Variants in MUC7 observed in about 807,000 individuals in gnomAD.
MUC7 encodes the protein mucin-7.
Under a neutral mutation model 2.5 loss-of-function variants are expected in MUC7, and 2 were observed. That is an observed-to-expected ratio of 0.81 (90% CI 0.33 to 2.55). MUC7 has a LOEUF of 2.55. MUC7 is among the 30% of genes most tolerant of loss of function. The pLI, the probability that MUC7 is intolerant of heterozygous loss-of-function variation, is 0.11. For missense variants in MUC7, 408 were observed against 455.6 expected (o/e 0.90, Z 0.95); for synonymous variants, 133 against 173.4 (o/e 0.77, Z 1.83).
chr4:70,480,719 T>A, intron 2 of MUC7, 80 bp from the exon 3 acceptor site: 2 of 1,414,614 alleles, frequency 1.4e-6, no homozygotes, highest in Non-Finnish European at 1.9e-6. Context: ...CAAATACCGC[T>A]CATCTCATGG....
At chr4:70,441,659 G>A (rs568439531) in intron 1 of MUC7, among the ~76,000 whole-genome samples, 54 of 152,300 alleles carry the variant, frequency 3.5e-4, no homozygotes, top group South Asian at 1.0e-3. Context: ...TGAGAAGGAT[G>A]GATTTGCAGC....
chr4:70,437,254 T>G (rs999807726), intron 1 of MUC7, among the ~76,000 whole-genome samples: 1 of 152,192 alleles, frequency 6.6e-6, no homozygotes, highest in African/African-American at 2.4e-5. Flanking sequence ...GCAGGGACGT[T>G]TAAGTCTGCA....
intron 1 of MUC7, among the ~76,000 whole-genome samples, chr4:70,443,765 AAAC>A (rs1327450865): frequency 6.6e-6 from 1 of 152,176 alleles, no homozygotes; most frequent in Non-Finnish European, 1.5e-5. Flanking sequence ...TTAGCACACA[AAAC>A]AACAATATCA....
chr4:70,474,557 G>C, intron 2 of MUC7, among the ~76,000 whole-genome samples: 1 of 140,322 alleles, frequency 7.1e-6, no homozygotes, highest in East Asian at 2.0e-4. Flanking sequence ...TAGATAGGTA[G>C]ATAGACTAGG....
chr4:70,443,289 TA>T (rs1441554367), intron 1 of MUC7, among the ~76,000 whole-genome samples: 1 of 146,758 alleles, frequency 6.8e-6, no homozygotes, highest in Non-Finnish European at 1.5e-5. Flanking sequence ...AATAAATATG[TA>T]AAAGAACAAC....
chr4:70,467,133 A>C (rs1277886456), intron 1 of MUC7, among the ~76,000 whole-genome samples: 1 of 152,246 alleles, frequency 6.6e-6, no homozygotes, highest in Non-Finnish European at 1.5e-5. Flanking sequence ...CTACATGGAA[A>C]CTGAACAACC....
intron 1 of MUC7, among the ~76,000 whole-genome samples, chr4:70,435,865 C>T (rs1003198278): frequency 1.3e-5 from 2 of 152,160 alleles, no homozygotes; most frequent in African/African-American, 2.4e-5. Context: ...ATGTTTAGTG[C>T]TTCCTTCAGG....
chr4:70,471,474 T>C (rs1278554896), upstream of MUC7, among the ~76,000 whole-genome samples: 1 of 152,184 alleles, frequency 6.6e-6, no homozygotes, highest in Admixed American at 6.5e-5. Context: ...TGGTGTTGTG[T>C]TATAAAAGAA....
chr4:70,435,986 T>C (rs1733821223), intron 1 of MUC7, among the ~76,000 whole-genome samples: 1 of 152,212 alleles, frequency 6.6e-6, no homozygotes, highest in Non-Finnish European at 1.5e-5. Flanking sequence ...GATATGAAAT[T>C]CCAGGTTGAA....
At position 70,481,877 on chromosome 4, in the gene MUC7, A is replaced by G; in HGVS notation, c.1133A>G (p.Ter378TrpextTer31). 1 of 1,612,986 alleles carries G rather than the reference A, an allele frequency of 6.2e-7. No homozygotes were observed. Among genetic ancestry groups the G allele is most frequent in the Non-Finnish European group, 8.5e-7 (1 of 1,179,484 alleles). Reference protein sequence around the residue: ...NRIIDDMVEQ* With the variant: ...NRIIDDMVEQW ...ATTATTGACGACATGGTGGAGCAAT[A>G]GTATATTGTATGTTGTAAAGTGTTC... The change falls in exon 3 of 3, where the codon TAG becomes TGG. Residue 378 changes from the stop codon to tryptophan, a stop_lost. Coordinates refer to ENST00000304887, the MANE Select transcript of MUC7 (RefSeq NM_152291.3).
intron 1 of MUC7, among the ~76,000 whole-genome samples, chr4:70,444,671 T>G (rs146322188): frequency 2.0e-5 from 3 of 152,352 alleles, no homozygotes; most frequent in African/African-American, 7.2e-5. Flanking sequence ...TGTCTCTATA[T>G]AATCCCTGTT....
intron 1 of MUC7, among the ~76,000 whole-genome samples, chr4:70,433,387 G>T (rs186781644): frequency 8.5e-5 from 13 of 152,204 alleles, no homozygotes; most frequent in African/African-American, 2.4e-4. Context: ...CCATTTGTTT[G>T]TGTCCTCTTT....
rs775882529 is a variant in MUC7, at chr4:70,481,707, C to T, written c.963C>T (p.Asp321=). 5 of 1,614,172 alleles carry T rather than the reference C, an allele frequency of 3.1e-6. No homozygotes were observed. The highest frequency in any genetic ancestry group is 1.1e-5 in the South Asian group (1 of 91,082). The part of the protein sequence containing the change: ...PNSSPTTLAP[D]TSETSAAPTH... Reference sequence around the variant, plus strand: ...CTTCCCCAACTACTCTTGCACCTGACACTTCTGAAACTTCAGCTGCACCCA... The same window carrying T: ...CTTCCCCAACTACTCTTGCACCTGATACTTCTGAAACTTCAGCTGCACCCA... Residue 321 remains aspartate (D), a synonymous_variant, in exon 3 of 3, where the codon GAC becomes GAT. Transcript: ENST00000304887.
chr4:70,465,465 T>C (rs1734659377), intron 1 of MUC7, among the ~76,000 whole-genome samples: 1 of 152,124 alleles, frequency 6.6e-6, no homozygotes, highest in South Asian at 2.1e-4. Context: ...TAAAGGAGCA[T>C]GTTCTAACCC....
chr4:70,455,616 A>G (rs1337400029), intron 1 of MUC7, among the ~76,000 whole-genome samples: 5 of 152,146 alleles, frequency 3.3e-5, no homozygotes, highest in Admixed American at 3.3e-4. Context: ...AACAAGATTA[A>G]ATTGGGAGAA....
At position 70,481,619 on chromosome 4, in the gene MUC7, C is replaced by A. The variant is rs41439647; in HGVS notation, c.875C>A (p.Pro292Gln). 906 of 1,608,162 alleles carry A rather than the reference C, an allele frequency of 5.6e-4. 6 individuals carry two copies. The African/African-American group carries it at 0.012, about 21-fold the overall frequency. Residue 292 changes from proline to glutamine, a missense_variant, in exon 3 of 3, where the codon CCA becomes CAA. Transcript: ENST00000304887. The part of the protein sequence containing the change: ...AAPPTPSATT[P>Q]APPSSPAPQE... ...CCACCCACACCTTCTGCAACTACACCAGCTCCACCGTCTTCCCCAGCTCCA... is the reference window on the plus strand; with the variant it reads ...CCACCCACACCTTCTGCAACTACACAAGCTCCACCGTCTTCCCCAGCTCCA...
chr4:70,454,620 G>A (rs1734370702), intron 1 of MUC7, among the ~76,000 whole-genome samples: 1 of 152,160 alleles, frequency 6.6e-6, no homozygotes, highest in African/African-American at 2.4e-5. Context: ...ACCAGGTACT[G>A]TGATTGCTTA....
At chr4:70,478,619 C>G (rs1735076001) in intron 2 of MUC7, among the ~76,000 whole-genome samples, 1 of 152,126 alleles carries the variant, frequency 6.6e-6, no homozygotes, top group African/African-American at 2.4e-5. Flanking sequence ...CATACATGTT[C>G]CTATAAGATC....
chr4:70,468,848 T>C (rs887771194), upstream of MUC7, among the ~76,000 whole-genome samples: 3 of 152,142 alleles, frequency 2.0e-5, no homozygotes, highest in Non-Finnish European at 4.4e-5. Context: ...AATTTATAGA[T>C]TCAATGCTAT....
Sources: allele counts gnomAD v4.1 joint callset (sites outside exome capture counted in the v4.1 genomes callset), GRCh38; gene constraint gnomAD v4.1.1; transcripts MANE v1.5; gene names NCBI Gene and HGNC (gene_info 2026-07-23, HGNC 2026-07-21).